The following MCM5 variants were observed in gnomAD, a reference collection of about 807,000 sequenced individuals.
MCM5 encodes the protein minichromosome maintenance complex component 5.
Under a neutral mutation model 79.9 loss-of-function variants are expected in MCM5, and 46 were observed. The observed-to-expected ratio is 0.58, with a 90% CI of 0.45 to 0.74. MCM5 has a LOEUF of 0.74. Ranked by LOEUF, MCM5 falls within the 30% of genes least tolerant of loss-of-function variation. The probability of loss-of-function intolerance (pLI) is 0.00; values close to 1 mark genes in which losing one functional copy is unlikely to be tolerated. For missense variants in MCM5, 883 were observed against 1,017.0 expected (o/e 0.87, Z 1.79); for synonymous variants, 404 against 390.5 (o/e 1.03, Z -0.41).
intron 4 of MCM5, among the ~76,000 whole-genome samples, chr22:35,405,598 C>G (rs1932189392): frequency 6.6e-6 from 1 of 152,034 alleles, no homozygotes. Context: ...AACTCCCGAT[C>G]TCAAGTGATC....
chr22:35,405,020 AT>A (rs35626347), intron 4 of MCM5, among the ~76,000 whole-genome samples: 51,536 of 114,054 alleles, frequency 0.45, 7,896 homozygotes, highest in Middle Eastern at 0.5. Flanking sequence ...CTAGAGGCCA[AT>A]TTTTTTTTTT....
At chr22:35,451,822 G>A in the MCM5 span, among the ~76,000 whole-genome samples, 14 of 152,218 alleles carry the variant, frequency 9.2e-5, no homozygotes, top group Non-Finnish European at 2.1e-4. Context: ...CATGAGAGGC[G>A]GGGAAGCCCT....
chr22:35,430,559 G>A, the MCM5 span, among the ~76,000 whole-genome samples: 1 of 149,754 alleles, frequency 6.7e-6, no homozygotes, highest in South Asian at 2.1e-4. Context: ...AGAGTGTGCA[G>A]TGGTGCGACC....
intron 8 of MCM5, among the ~76,000 whole-genome samples, chr22:35,413,465 G>T (rs145528204): frequency 6.6e-6 from 1 of 152,152 alleles, no homozygotes; most frequent in Admixed American, 6.5e-5. Context: ...AGAGTTAAAG[G>T]GACTTGCTCC....
intron 1 of MCM5, 96 bp downstream of exon 1, chr22:35,400,304 G>C: frequency 1.0e-6 from 1 of 963,454 alleles, no homozygotes; most frequent in East Asian, 2.4e-5. Context: ...CGGGAACTGG[G>C]GTTGGAGTCC....
chr22:35,400,301 TG>T, intron 1 of MCM5, 93 bp downstream of exon 1: 2 of 928,214 alleles, frequency 2.2e-6, no homozygotes, highest in South Asian at 2.8e-5. Flanking sequence ...TCTCGGGAAC[TG>T]GGGTTGGAGT....
the MCM5 span, among the ~76,000 whole-genome samples, chr22:35,439,897 G>T: frequency 1.3e-5 from 2 of 152,242 alleles, no homozygotes; most frequent in Non-Finnish European, 2.9e-5. Flanking sequence ...GTGGGCACAC[G>T]CAGTGTTGGC....
the MCM5 span, among the ~76,000 whole-genome samples, chr22:35,439,208 CATTCATCCATCCATCCAAAT>C: frequency 2.0e-5 from 3 of 151,696 alleles, no homozygotes; most frequent in South Asian, 2.1e-4. Context: ...TTCATCCATC[CATTCATCCATCCATCCAAAT>C]ATTCATCCAT....
At chr22:35,443,343 C>T in the MCM5 span, among the ~76,000 whole-genome samples, 15 of 152,270 alleles carry the variant, frequency 9.9e-5, no homozygotes, top group Admixed American at 5.9e-4. Flanking sequence ...TGCACCACCA[C>T]GCCTGGCTAA....
At chr22:35,410,670 A>C in intron 6 of MCM5, 74 bp from the exon 7 acceptor site, 1 of 1,431,540 alleles carries the variant, frequency 7.0e-7, no homozygotes, top group Admixed American at 1.7e-5. Context: ...TGTCCTGGGC[A>C]TGGGTGGAAT....
the MCM5 span, among the ~76,000 whole-genome samples, chr22:35,439,007 CCA>C: frequency 1.5e-4 from 23 of 150,808 alleles, no homozygotes; most frequent in African/African-American, 5.4e-4. Context: ...ATCCATCCAT[CCA>C]TCCATCCATC....
intron 1 of MCM5, 50 bp from the exon 2 acceptor site, chr22:35,400,381 G>A (rs1330221904): frequency 2.5e-6 from 4 of 1,606,926 alleles, no homozygotes; most frequent in African/African-American, 2.7e-5. Flanking sequence ...GAGGGGAGGA[G>A]GTGCCAGGCG....
the MCM5 span, among the ~76,000 whole-genome samples, chr22:35,438,630 C>T: frequency 1.4e-5 from 2 of 141,746 alleles, no homozygotes; most frequent in African/African-American, 2.6e-5. Flanking sequence ...CATCCATCCA[C>T]CCACATATTC....
chr22:35,409,023 C>T (rs1304690455), intron 6 of MCM5, among the ~76,000 whole-genome samples: 3 of 151,818 alleles, frequency 2.0e-5, no homozygotes, highest in South Asian at 2.1e-4. Flanking sequence ...AGTGCAGTGG[C>T]GCGATCTCGG....
At chr22:35,412,431 C>T (rs1027622310) in intron 7 of MCM5, 79 bp from the exon 8 acceptor site, 36 of 1,271,600 alleles carry the variant, frequency 2.8e-5, no homozygotes, top group Non-Finnish European at 3.6e-5. Flanking sequence ...TCTGGGAGGT[C>T]CCTGAGCTGG....
At chr22:35,412,740 G>A (rs1932423854) in intron 8 of MCM5, 59 bp downstream of exon 8, 1 of 1,325,330 alleles carries the variant, frequency 7.5e-7, no homozygotes, top group South Asian at 1.9e-5. Flanking sequence ...CTCACAGTAG[G>A]ATAATTACTG....
intron 7 of MCM5, chr22:35,411,245 G>A (rs1932374841): frequency 1.1e-5 from 2 of 190,248 alleles, no homozygotes; most frequent in South Asian, 2.2e-4. Context: ...CAGCCGCCTA[G>A]TGTCTAGTTG....
chr22:35,440,178 C>A, the MCM5 span, among the ~76,000 whole-genome samples: 36 of 152,102 alleles, frequency 2.4e-4, no homozygotes, highest in Non-Finnish European at 1.6e-4. Flanking sequence ...TTAAAAGAAC[C>A]CTTGAGTAGG....
chr22:35,445,854 A>C, the MCM5 span, among the ~76,000 whole-genome samples: 5 of 152,170 alleles, frequency 3.3e-5, no homozygotes, highest in Non-Finnish European at 7.4e-5. Flanking sequence ...ATTTGGTCCA[A>C]TTCAGCTGAG....
Sources: gnomAD v4.1 joint callset for allele counts (sites outside exome capture counted in the v4.1 genomes callset) on GRCh38, gnomAD v4.1.1 for gene constraint, MANE v1.5 for transcripts, NCBI Gene and HGNC (gene_info 2026-07-23, HGNC 2026-07-21) for gene names.